CD247: variants seen among roughly 807,000 people sequenced by gnomAD.
CD247 encodes the protein T-cell surface glycoprotein CD3 zeta chain.
A neutral mutation model predicts 30.0 loss-of-function variants in CD247; 13 were observed. The ratio of observed to expected loss-of-function variants is 0.43; its 90% CI spans 0.28 to 0.69. CD247 has a LOEUF of 0.69. CD247 is among the 30% of genes least tolerant of loss of function. The probability of loss-of-function intolerance (pLI) is 0.16; values close to 1 mark genes in which losing one functional copy is unlikely to be tolerated. For synonymous variants in CD247, 72 were observed against 80.0 expected, an observed-to-expected ratio of 0.90 and a Z score of 0.53; for missense variants, 193 against 212.6, an observed-to-expected ratio of 0.91 and a Z score of 0.57.
chr1:167,439,627 A>T, intron 2 of CD247: 1 of 583,356 alleles, frequency 1.7e-6, no homozygotes, highest in East Asian at 2.9e-5. Context: ...TGCATTCATC[A>T]CGCTGGCCCA....
intron 1 of CD247, among the ~76,000 whole-genome samples, chr1:167,467,038 A>AC (rs1486892711): frequency 2.5e-4 from 38 of 151,904 alleles, no homozygotes; most frequent in South Asian, 1.7e-3. Flanking sequence ...ACGGGATTTC[A>AC]CGTGTTAGCC....
rs967052501 is a variant in CD247, at chr1:167,493,495, G to A, written c.58+24913C>T. ...CTGTCTCTGTGCCAGGCCCTGTGCT[G>A]AGGGCTGACATTCATTGTATCTTTG... On this transcript the variant is annotated intron_variant, in intron 1 of 7. Coordinates refer to ENST00000362089, the MANE Select transcript of CD247 (RefSeq NM_198053.3). Among the ~76,000 whole-genome samples, 5 of 152,174 alleles carry A rather than the reference G, an allele frequency of 3.3e-5. No homozygotes were observed. In the East Asian group the frequency reaches 9.6e-4, roughly 29 times the overall value.
chr1:167,434,659 C>T (rs999681123), intron 5 of CD247: 2 of 402,118 alleles, frequency 5.0e-6, no homozygotes, highest in Non-Finnish European at 9.9e-6. Flanking sequence ...CTCGAAGGGG[C>T]CAGCCACCTC....
chr1:167,433,009 G>A lies in CD247; in HGVS notation c.429+15C>T, dbSNP rs762353729. On this transcript the variant is annotated intron_variant, in intron 7 of 7. Transcript: ENST00000362089. ...GTGGTGCCCCTTCCACTGAAGGGAC[G>A]CCGGCAGCTCCTACCTGGTAAAGGC... 43 of 1,613,898 alleles carry A rather than the reference G, an allele frequency of 2.7e-5. No individual in the cohort carries two copies. Among genetic ancestry groups the A allele is most frequent in the Non-Finnish European group, 3.2e-5 (38 of 1,179,840 alleles).
chr1:167,512,384 A>G (rs1655423851), intron 1 of CD247, among the ~76,000 whole-genome samples: 1 of 152,150 alleles, frequency 6.6e-6, no homozygotes, highest in Admixed American at 6.5e-5. Context: ...GAATTCTGAG[A>G]GCCAATACCT....
intron 1 of CD247, among the ~76,000 whole-genome samples, chr1:167,447,606 C>A (rs2102005448): frequency 6.6e-6 from 1 of 152,246 alleles, no homozygotes; most frequent in East Asian, 1.9e-4. Flanking sequence ...AAGAATGAAT[C>A]CTACGAAGGC....
In CD247 at chr1:167,494,851, G is replaced by A. The variant is rs1334255454; in HGVS notation, c.58+23557C>T. 6.6e-6 allele frequency among the ~76,000 whole-genome samples: 1 copy of A among 152,180 alleles called. No homozygotes were observed. Among genetic ancestry groups the A allele is most frequent in the Admixed American group, 6.5e-5 (1 of 15,284 alleles). ...GCCTTGGATTTCAGAGCTGGAAAGA[G>A]GGTTAGAGACCTATTCCAGGACTTT... On this transcript the variant is annotated intron_variant, in intron 1 of 7. Transcript: ENST00000362089. This position sits in a 1 kb window ranked among gnomAD's most constrained non-coding sequence, Gnocchi z 7.3.
chr1:167,457,179 T>G (rs1652719477), intron 1 of CD247, among the ~76,000 whole-genome samples: 1 of 152,228 alleles, frequency 6.6e-6, no homozygotes, highest in African/African-American at 2.4e-5. Flanking sequence ...CATCCGCACA[T>G]TCTCAGCGGT....
chr1:167,496,424 C>G (rs1342596213), intron 1 of CD247, among the ~76,000 whole-genome samples: 1 of 152,170 alleles, frequency 6.6e-6, no homozygotes, highest in Non-Finnish European at 1.5e-5. Context: ...GCCCTGCAAC[C>G]CCCCTGCTCT....
At chr1:167,483,049 C>T (rs1654042542) in intron 1 of CD247, among the ~76,000 whole-genome samples, 1 of 112,652 alleles carries the variant, frequency 8.9e-6, no homozygotes, top group Non-Finnish European at 1.9e-5. Flanking sequence ...GCTGTTGTTG[C>T]TCAGGCTGGA....
chr1:167,486,742 A>G (rs1412634007), intron 1 of CD247, among the ~76,000 whole-genome samples: 3 of 152,216 alleles, frequency 2.0e-5, no homozygotes, highest in Non-Finnish European at 4.4e-5. Context: ...TATGCGGGCC[A>G]CTGCAAGCTG....
chr1:167,461,517 A>G (rs1448768157), intron 1 of CD247, among the ~76,000 whole-genome samples: 3 of 152,228 alleles, frequency 2.0e-5, no homozygotes, highest in Non-Finnish European at 4.4e-5. Context: ...CTTATTTTCC[A>G]AGTTCCATAG....
intron 1 of CD247, among the ~76,000 whole-genome samples, chr1:167,466,309 A>G (rs952323107): frequency 1.1e-4 from 16 of 152,204 alleles, no homozygotes; most frequent in Non-Finnish European, 1.2e-4. Context: ...TTTGCCAATT[A>G]ACTCTGATAG....
At chr1:167,491,248 G>A (rs915070856) in intron 1 of CD247, among the ~76,000 whole-genome samples, 1 of 152,142 alleles carries the variant, frequency 6.6e-6, no homozygotes, top group African/African-American at 2.4e-5. Flanking sequence ...TGTGGAAAAC[G>A]GTTTGGTGGT....
intron 1 of CD247, among the ~76,000 whole-genome samples, chr1:167,499,649 T>C (rs1182988075): frequency 2.0e-5 from 3 of 152,086 alleles, no homozygotes; most frequent in Non-Finnish European, 2.9e-5. Context: ...GAAGCTTAGG[T>C]GCAAATTTTA....
At chr1:167,501,295 G>A (rs983161812) in intron 1 of CD247, among the ~76,000 whole-genome samples, 5 of 151,994 alleles carry the variant, frequency 3.3e-5, no homozygotes, top group African/African-American at 1.2e-4. Flanking sequence ...CCGACCTCGG[G>A]TGATCCACCC....
At chr1:167,496,901 G>T (rs1369730055) in intron 1 of CD247, among the ~76,000 whole-genome samples, 1 of 152,160 alleles carries the variant, frequency 6.6e-6, no homozygotes, top group African/African-American at 2.4e-5. Flanking sequence ...ATCTTTACGG[G>T]GAGGCGGGTG....
intron 1 of CD247, among the ~76,000 whole-genome samples, chr1:167,501,306 G>A (rs946588975): frequency 2.6e-5 from 4 of 151,732 alleles, no homozygotes; most frequent in Admixed American, 6.6e-5. Context: ...TGATCCACCC[G>A]CCTCGGCCTC....
At chr1:167,464,294 C>A (rs182344415) in intron 1 of CD247, among the ~76,000 whole-genome samples, 296 of 152,256 alleles carry the variant, frequency 1.9e-3, no homozygotes, top group African/African-American at 6.9e-3. Flanking sequence ...CATGAAGATG[C>A]GGTTTTCCTG....
Sources: gnomAD v4.1 joint callset for allele counts (sites outside exome capture counted in the v4.1 genomes callset) on GRCh38, gnomAD v4.1.1 for gene constraint, Gnocchi (gnomAD v3.1) non-coding constraint, MANE v1.5 for transcripts, NCBI Gene and HGNC (gene_info 2026-07-23, HGNC 2026-07-21) for gene names.